CSMD1: variants seen among roughly 807,000 people sequenced by gnomAD.
CSMD1 encodes the protein CUB and Sushi multiple domains 1.
Under a neutral mutation model 417.5 loss-of-function variants are expected in CSMD1, and 213 were observed. That is an observed-to-expected ratio of 0.51 (90% confidence interval 0.46 to 0.57). The LOEUF (loss-of-function observed/expected upper bound fraction) is 0.57, where lower values mean the gene tolerates loss of function less well. CSMD1 is among the 20% of genes least tolerant of loss of function. CSMD1 has a pLI of 0.00. For missense variants in CSMD1, 6,923 were observed against 4,529.7 expected, an observed-to-expected ratio of 1.53 and a Z score of -15.17; for synonymous variants, 2,862 against 1,736.8, an observed-to-expected ratio of 1.65 and a Z score of -16.11.
At chr8:4,131,299 G>T (rs1484121808) in intron 3 of CSMD1, among the ~76,000 whole-genome samples, 1 of 152,114 alleles carries the variant, frequency 6.6e-6, no homozygotes, top group African/African-American at 2.4e-5. Context: ...TCTACACAGA[G>T]CTTCCTGTAA....
chr8:4,296,237 G>C (rs1272491592), intron 3 of CSMD1, among the ~76,000 whole-genome samples: 1 of 152,086 alleles, frequency 6.6e-6, no homozygotes, highest in African/African-American at 2.4e-5. Flanking sequence ...CTTGATCAGT[G>C]ATTAGAGCTG....
At chr8:4,076,738 A>T (rs541633165) in intron 3 of CSMD1, among the ~76,000 whole-genome samples, 1 of 152,234 alleles carries the variant, frequency 6.6e-6, no homozygotes, top group South Asian at 2.1e-4. Flanking sequence ...CCAAGCCCTG[A>T]CCCACCCTGG....
chr8:3,063,072 T>C (rs1000756001), intron 49 of CSMD1, among the ~76,000 whole-genome samples: 2 of 151,804 alleles, frequency 1.3e-5, no homozygotes, highest in African/African-American at 4.8e-5. Flanking sequence ...AACCCAAGAG[T>C]CCCAGGCTCA....
chr8:4,089,214 A>G (rs1212950250), intron 3 of CSMD1, among the ~76,000 whole-genome samples: 5 of 152,266 alleles, frequency 3.3e-5, no homozygotes, highest in African/African-American at 7.2e-5. Context: ...TGTATTACCT[A>G]TAAGCTCCAT....
At chr8:4,103,261 T>C (rs1481632875) in intron 3 of CSMD1, among the ~76,000 whole-genome samples, 3 of 8,056 alleles carry the variant, frequency 3.7e-4, no homozygotes, top group Non-Finnish European at 8.4e-4. Flanking sequence ...AGTGTATACA[T>C]ACATTATATA....
Position 2,938,822 on chromosome 8 carries a change from C to A in CSMD1, c.10536-78G>T, listed in dbSNP as rs190750143. ...AGCAGCTGGGACTGTGTGCAGGAGA[C>A]AACGTCTACAGAGCAGGGAGCAGTA... On this transcript the variant is annotated intron_variant, in intron 69 of 69. Transcript: ENST00000635120. The A allele has an allele frequency of 3.3e-5, 43 of 1,304,458 alleles. No homozygotes were observed. The African/African-American group carries it at 5.9e-4, about 18-fold the overall frequency. 80.8% of individuals were successfully genotyped at this position (1,304,458 alleles called of 1,614,324 possible).
chr8:3,066,496 C>T (rs539498504), intron 49 of CSMD1, among the ~76,000 whole-genome samples: 23 of 152,260 alleles, frequency 1.5e-4, no homozygotes, highest in East Asian at 3.9e-4. Flanking sequence ...AATGAACTGA[C>T]GACATGTATT....
chr8:4,452,333 G>A (rs1783845712), intron 2 of CSMD1, among the ~76,000 whole-genome samples: 1 of 152,130 alleles, frequency 6.6e-6, no homozygotes, highest in African/African-American at 2.4e-5. Context: ...TGAAAGCAAT[G>A]GCTCTAAACA....
chr8:4,946,181 T>TTCAATTAAAAA (rs1808356725), intron 1 of CSMD1, among the ~76,000 whole-genome samples: 2 of 152,186 alleles, frequency 1.3e-5, no homozygotes. Flanking sequence ...TACTCCGTGT[T>TTCAATTAAAAA]GTTTTGGTCT....
Position 2,936,810 on chromosome 8 carries a change from T to C in CSMD1, c.*1775A>G, listed in dbSNP as rs567785724. On this transcript the variant is annotated 3_prime_UTR_variant, in exon 70 of 70. Transcript: ENST00000635120. ...CCCCATTTTCCTGACTGCTTTTCCT[T>C]TTCCACATTTGAAGTCCTACATGGA... 3.9e-5 allele frequency: 6 copies of C among 152,330 alleles called. No individual in the cohort carries two copies. The East Asian group carries it at 1.2e-3, about 29-fold the overall frequency. The allele number at this position is 152,330 out of a possible 1,614,324, so 9.4% of individuals were successfully genotyped here.
chr8:4,299,002 T>C (rs1797836421), intron 3 of CSMD1, among the ~76,000 whole-genome samples: 1 of 152,076 alleles, frequency 6.6e-6, no homozygotes. Flanking sequence ...TCTACTGATG[T>C]TAAATTTGCC....
chr8:3,818,435 A>C (rs1801519438), intron 5 of CSMD1, among the ~76,000 whole-genome samples: 1 of 152,214 alleles, frequency 6.6e-6, no homozygotes, highest in Non-Finnish European at 1.5e-5. Context: ...TTAACTAATT[A>C]ACTCCTCATG....
At chr8:3,420,470 G>C (rs1330434804) in intron 12 of CSMD1, among the ~76,000 whole-genome samples, 2 of 151,256 alleles carry the variant, frequency 1.3e-5, no homozygotes, top group Non-Finnish European at 2.9e-5. Flanking sequence ...ACGACCTTCA[G>C]TTAATAACGT....
Position 4,288,181 on chromosome 8 carries a change from C to CT in CSMD1, c.415+131771dup, listed in dbSNP as rs1432081679. Among the ~76,000 whole-genome samples, 11 of 152,134 alleles carry CT rather than the reference C, an allele frequency of 7.2e-5. No individual in the cohort carries two copies. The South Asian group carries it at 1.9e-3, about 26-fold the overall frequency. ...AAACACTAGAGAGTAGAACACTTTT[C>CT]TTTTTTACTGGTACTGCAGTGGATG... On this transcript the variant is annotated intron_variant, in intron 3 of 69. Coordinates refer to ENST00000635120, the MANE Select transcript of CSMD1 (RefSeq NM_033225.6).
intron 3 of CSMD1, among the ~76,000 whole-genome samples, chr8:4,348,577 G>A (rs909446646): frequency 2.7e-5 from 4 of 145,954 alleles, no homozygotes; most frequent in African/African-American, 1.0e-4. Flanking sequence ...GCATCTGTGT[G>A]TGTGTATGCA....
chr8:4,977,800 C>T (rs1321347088), intron 1 of CSMD1, among the ~76,000 whole-genome samples: 1 of 152,266 alleles, frequency 6.6e-6, no homozygotes, highest in African/African-American at 2.4e-5. Flanking sequence ...ATTTGGCATA[C>T]TGCAGCGCTT....
In CSMD1 at chr8:3,408,118, G is replaced by T; in HGVS notation, c.1852C>A (p.Pro618Thr). 1 of 1,613,720 alleles carries T rather than the reference G, an allele frequency of 6.2e-7. No individual in the cohort carries two copies. ...AAGATTAGGTGAATTCGACTTCCTGGCTCCGAGATAATCAACCAGACACAG... is the reference window on the plus strand; with the variant it reads ...AAGATTAGGTGAATTCGACTTCCTGTCTCCGAGATAATCAACCAGACACAG... The part of the protein sequence containing the change: ...MNCVWLIISE[P>T]GSRIHLIFND... Residue 618 changes from proline (P) to threonine (T), a missense_variant, in exon 14 of 70, where the codon CCA becomes ACA. Coordinates refer to ENST00000635120, the MANE Select transcript of CSMD1 (RefSeq NM_033225.6).
chr8:4,096,440 G>A (rs1205331409), intron 3 of CSMD1, among the ~76,000 whole-genome samples: 4 of 152,124 alleles, frequency 2.6e-5, no homozygotes, highest in African/African-American at 9.7e-5. Flanking sequence ...ATGCAAACCA[G>A]ATGATCCCCA....
intron 2 of CSMD1, among the ~76,000 whole-genome samples, chr8:4,633,545 G>C (rs1387145821): frequency 2.0e-5 from 3 of 147,744 alleles, no homozygotes; most frequent in Non-Finnish European, 4.5e-5. Context: ...CGCCATGCCA[G>C]GCCTACTTCC....
Sources: allele counts gnomAD v4.1 joint callset (sites outside exome capture counted in the v4.1 genomes callset), GRCh38; gene constraint gnomAD v4.1.1; transcripts MANE v1.5; gene names NCBI Gene and HGNC (gene_info 2026-07-23, HGNC 2026-07-21).